The following TCOF1 variants were observed in gnomAD, a reference collection of about 807,000 sequenced individuals.
TCOF1 encodes treacle protein.
A neutral mutation model predicts 149.0 loss-of-function variants in TCOF1; 33 were observed. The ratio of observed to expected loss-of-function variants is 0.22; its 90% CI spans 0.17 to 0.30. The LOEUF (loss-of-function observed/expected upper bound fraction) is 0.30. TCOF1 is among the 10% of genes least tolerant of loss of function. TCOF1 has a pLI of 1.00. For missense variants in TCOF1, 1,728 were observed against 1,840.7 expected (o/e 0.94, Z 1.12); for synonymous variants, 789 against 738.8 (o/e 1.07, Z -1.10).
At chr5:150,386,593 G>A (rs1766356827) in intron 17 of TCOF1, among the ~76,000 whole-genome samples, 1 of 151,342 alleles carries the variant, frequency 6.6e-6, no homozygotes, top group Admixed American at 6.6e-5. Flanking sequence ...AGGCTCAGGG[G>A]GTAAACAGGA....
intron 1 of TCOF1, among the ~76,000 whole-genome samples, chr5:150,360,677 T>A (rs77442127): frequency 0.057 from 8,660 of 152,062 alleles, 337 homozygotes; most frequent in East Asian, 0.11. Context: ...TCTGGAAGGT[T>A]TGGGACAGAA....
intron 4 of TCOF1, 132 bp downstream of exon 4, chr5:150,368,049 C>G: frequency 1.0e-6 from 1 of 966,200 alleles, no homozygotes; most frequent in Non-Finnish European, 1.6e-6. Flanking sequence ...ACCTGTGTCA[C>G]CAGTTGTGGG....
chr5:150,367,495 C>T, intron 3 of TCOF1: 1 of 345,468 alleles, frequency 2.9e-6, no homozygotes, highest in African/African-American at 2.1e-5. Flanking sequence ...GTGTGGTGGC[C>T]TGTGTGAATG....
Position 150,379,632 on chromosome 5 carries a change from G to A in TCOF1, c.2759G>A (p.Gly920Glu). 6.2e-7 allele frequency: 1 copy of A among 1,613,954 alleles called. No homozygotes were observed. Reference sequence around the variant, plus strand: ...GCCCCAACACCTCCTGGGAAGACAGGGCCTTCGGCTGCCCAGGCAGGGAAG... The same window carrying A: ...GCCCCAACACCTCCTGGGAAGACAGAGCCTTCGGCTGCCCAGGCAGGGAAG... ...GAAPTPPGKT[G>E]PSAAQAGKQD... is the part of the protein sequence containing the mutation. Residue 920 changes from glycine to glutamate, a missense_variant, in exon 17 of 27, where the codon GGG becomes GAG. Gly to Glu is a moderately conservative substitution (Grantham distance 98). Coordinates refer to ENST00000643257, the MANE Select transcript of TCOF1 (RefSeq NM_001371623.1).
At chr5:150,370,209 C>T (rs1441883258) in intron 6 of TCOF1, among the ~76,000 whole-genome samples, 3 of 152,132 alleles carry the variant, frequency 2.0e-5, no homozygotes, top group African/African-American at 7.2e-5. Flanking sequence ...GGCAAGGGAG[C>T]GTCCCTCAGA....
chr5:150,369,330 C>T (rs960924060), intron 5 of TCOF1, among the ~76,000 whole-genome samples, 199 bp from the exon 6 acceptor site: 3 of 152,194 alleles, frequency 2.0e-5, no homozygotes, highest in African/African-American at 4.8e-5. Context: ...CCCAGGGCCT[C>T]AGAGATGTGT....
Position 150,384,035 on chromosome 5 carries a change from A to G in TCOF1, c.2860-3867A>G, listed in dbSNP as rs868495352. 3.1e-5 allele frequency: 42 copies of G among 1,365,570 alleles called. No homozygotes were observed. The South Asian group carries it at 7.1e-4, about 23-fold the overall frequency. 84.6% of individuals were successfully genotyped at this position (1,365,570 alleles called of 1,614,324 possible). ...CTTCTGCCAGGCACCTCAGAGCACC[A>G]GCTCCCCTGTCCCAGGGCCTAACCA... is the stretch of plus-strand genomic sequence containing the variant. On this transcript the variant is annotated intron_variant, in intron 17 of 26. Transcript: ENST00000643257.
chr5:150,359,644 C>T (rs964921834), intron 1 of TCOF1, among the ~76,000 whole-genome samples: 8 of 152,184 alleles, frequency 5.3e-5, no homozygotes, highest in Admixed American at 2.6e-4. Flanking sequence ...TTCTCTGAAC[C>T]TCACTTGCTC....
rs1341955574 is a variant in TCOF1, at chr5:150,372,192, G to A, written c.826G>A (p.Gly276Arg). Residue 276 changes from glycine to arginine, a missense_variant, in exon 7 of 27, where the codon GGA (glycine) becomes AGA (arginine). Gly to Arg is a moderately radical substitution (Grantham distance 125). Around this residue, in one of 2 missense-constraint regions of TCOF1, gnomAD observed 1,696 missense variants for 1,765.4 expected, o/e 0.96. Coordinates refer to ENST00000643257, the MANE Select transcript of TCOF1 (RefSeq NM_001371623.1). ...AGAGGAGTCAGAGAGTAGTGAGGAGGGATCTGAAAGTGAGGAGGAGGCCCC... is the reference window on the plus strand; with the variant it reads ...AGAGGAGTCAGAGAGTAGTGAGGAGAGATCTGAAAGTGAGGAGGAGGCCCC... ...PEEESESSEE[G>R]SESEEEAPAG... The A allele has an allele frequency of 1.2e-6, 2 of 1,602,054 alleles. No individual in the cohort carries two copies. Among genetic ancestry groups the A allele is most frequent in the Non-Finnish European group, 1.7e-6 (2 of 1,169,522 alleles).
At chr5:150,374,059 G>A (rs1168544770) in intron 7 of TCOF1, 115 bp from the exon 8 acceptor site, 2 of 1,153,720 alleles carry the variant, frequency 1.7e-6, no homozygotes, top group African/African-American at 1.5e-5. Context: ...GGGGAGTGGG[G>A]AGGGAAGCAG....
Position 150,387,946 on chromosome 5 carries a change from A to G in TCOF1, c.2904A>G (p.Pro968=), listed in dbSNP as rs1442883608. 1 of 1,613,970 alleles carries G rather than the reference A, an allele frequency of 6.2e-7. No homozygotes were observed. The highest frequency in any genetic ancestry group is 2.2e-5 in the East Asian group (1 of 44,876). Residue 968 remains proline (P), a synonymous_variant, in exon 18 of 27, where the codon CCA becomes CCG. Coordinates refer to ENST00000643257, the MANE Select transcript of TCOF1 (RefSeq NM_001371623.1). ...PLIFVDPNRS[P]AGPAATPAQA... is the part of the protein sequence containing the mutation. The stretch of plus-strand genomic sequence containing the variant: ...TTTTTGTCGACCCTAATCGTAGTCC[A>G]GCTGGCCCAGCTGCTACACCCGCAC...
At chr5:150,375,280 C>T (rs1201059692) in intron 10 of TCOF1, 59 bp from the exon 11 acceptor site, 3 of 1,603,502 alleles carry the variant, frequency 1.9e-6, no homozygotes, top group African/African-American at 2.7e-5. Flanking sequence ...TGCTCTCCTC[C>T]CCTCACTCAC....
At chr5:150,365,512 TCTC>T (rs919522084) in intron 3 of TCOF1, among the ~76,000 whole-genome samples, 8 of 152,276 alleles carry the variant, frequency 5.3e-5, no homozygotes, top group African/African-American at 1.9e-4. Flanking sequence ...CCTAAGTGCA[TCTC>T]CTCATAGGTA....
intron 21 of TCOF1, 168 bp from the exon 22 acceptor site, chr5:150,392,537 C>T (rs1178494448): frequency 1.2e-5 from 8 of 683,064 alleles, no homozygotes; most frequent in Admixed American, 2.2e-5. Flanking sequence ...CTGTGACTAG[C>T]GATAAGTGTG....
intron 17 of TCOF1, chr5:150,383,705 C>T: frequency 2.6e-6 from 4 of 1,550,864 alleles, no homozygotes; most frequent in Non-Finnish European, 3.5e-6. Flanking sequence ...CGCTGGTCCC[C>T]TGGCTCCCTG....
chr5:150,378,069 C>G (rs920293116), intron 14 of TCOF1, among the ~76,000 whole-genome samples: 1 of 152,130 alleles, frequency 6.6e-6, no homozygotes, highest in African/African-American at 2.4e-5. Flanking sequence ...ATGAGCACCT[C>G]GGCCTGAGTC....
At chr5:150,389,571 C>T (rs1253710938) in intron 18 of TCOF1, among the ~76,000 whole-genome samples, 1 of 152,210 alleles carries the variant, frequency 6.6e-6, no homozygotes, top group African/African-American at 2.4e-5. Context: ...ATTTTAACTG[C>T]AAGGAGAGTC....
chr5:150,364,011 T>G, intron 2 of TCOF1, 102 bp from the exon 3 acceptor site: 1 of 1,556,430 alleles, frequency 6.4e-7, no homozygotes, highest in Non-Finnish European at 8.8e-7. Context: ...TCTATGCACA[T>G]TGCCTTTAAG....
At chr5:150,376,707 C>G in intron 14 of TCOF1, 87 bp downstream of exon 14, 14 of 1,398,886 alleles carry the variant, frequency 1.0e-5, no homozygotes, top group Non-Finnish European at 1.4e-5. Context: ...GCTAGTGTTG[C>G]CTGCAGGTGT....
Sources: allele counts gnomAD v4.1 joint callset (sites outside exome capture counted in the v4.1 genomes callset), GRCh38; gene constraint gnomAD v4.1.1; regional missense constraint gnomAD v4.1.1; transcripts MANE v1.5; gene names NCBI Gene and HGNC (gene_info 2026-07-23, HGNC 2026-07-21).